Variants in ACIN1 observed in about 807,000 individuals in gnomAD.
ACIN1 encodes the protein apoptotic chromatin condensation inducer 1.
Under a neutral mutation model 146.6 loss-of-function variants are expected in ACIN1, and 16 were observed. The observed-to-expected ratio is 0.11, with a 90% CI of 0.07 to 0.17. The LOEUF (loss-of-function observed/expected upper bound fraction) is 0.17. ACIN1 is among the 10% of genes least tolerant of loss of function. The pLI, the probability that ACIN1 is intolerant of heterozygous loss-of-function variation, is 1.00. For missense variants in ACIN1, 1,357 were observed against 1,609.3 expected, an observed-to-expected ratio of 0.84 and a Z score of 2.68; for synonymous variants, 569 against 582.7, an observed-to-expected ratio of 0.98 and a Z score of 0.34.
At chr14:23,060,788 G>A (rs1566730091) in intron 18 of ACIN1, among the ~76,000 whole-genome samples, 1 of 152,204 alleles carries the variant, frequency 6.6e-6, no homozygotes, top group East Asian at 1.9e-4. Flanking sequence ...TGGCATTAGA[G>A]GCGTGAGCCA....
At chr14:23,094,912 G>A in intron 1 of ACIN1, 63 bp downstream of exon 1, 2 of 1,506,518 alleles carry the variant, frequency 1.3e-6, no homozygotes, top group Non-Finnish European at 1.8e-6. Context: ...CCTGCGCCGC[G>A]GCAGAGGCTC....
chr14:23,092,097 A>AT (rs78177271), intron 2 of ACIN1, among the ~76,000 whole-genome samples: 279 of 147,344 alleles, frequency 1.9e-3, no homozygotes, highest in Admixed American at 3.2e-3. Flanking sequence ...GCCTTTTCCT[A>AT]TTTTTTTTTT....
At chr14:23,069,652 G>GGGGGGGGGGGGGGGGGGGGGGGGC in intron 8 of ACIN1, 35 bp from the exon 9 acceptor site, 1 of 577,974 alleles carries the variant, frequency 1.7e-6, no homozygotes, top group East Asian at 4.3e-5. Context: ...GGGGGGGCGG[G>GGGGGGGGGGGGGGGGGGGGGGGGC]CAGAAAAGAA....
At chr14:23,062,842 C>A in intron 14 of ACIN1, 87 bp downstream of exon 14, 1 of 1,418,100 alleles carries the variant, frequency 7.1e-7, no homozygotes, top group Non-Finnish European at 9.6e-7. Flanking sequence ...TAGACCAGTT[C>A]AACTATGAGT....
chr14:23,074,951 T>C (rs75269035), intron 8 of ACIN1, among the ~76,000 whole-genome samples: 1,920 of 152,242 alleles, frequency 0.013, 39 homozygotes, highest in African/African-American at 0.044. Context: ...CTAGATACCC[T>C]CAGAAGCATA....
intron 6 of ACIN1, 65 bp downstream of exon 6, chr14:23,079,482 G>A: frequency 6.4e-7 from 1 of 1,571,584 alleles, no homozygotes; most frequent in Non-Finnish European, 8.7e-7. Flanking sequence ...GCTCTCCAGG[G>A]GCTGAAATGA....
chr14:23,071,361 A>AGGT, intron 8 of ACIN1: 1 of 1,531,590 alleles, frequency 6.5e-7, no homozygotes, highest in South Asian at 1.2e-5. Flanking sequence ...ATGGAAGGGG[A>AGGT]GGTGGTGGTG....
At chr14:23,071,536 G>C in intron 8 of ACIN1, 1 of 1,551,266 alleles carries the variant, frequency 6.4e-7, no homozygotes, top group Non-Finnish European at 8.7e-7. Flanking sequence ...CGATCAGCCG[G>C]AGACATGCAG....
At chr14:23,081,901 A>G in intron 4 of ACIN1, 65 bp from the exon 5 acceptor site, 1 of 1,360,526 alleles carries the variant, frequency 7.4e-7, no homozygotes. Context: ...CTTTTTAAAA[A>G]TCAGGCTTTC....
In ACIN1 at chr14:23,067,384, A is replaced by G. The variant is rs1468118159; in HGVS notation, c.2266-1376T>C. 2.0e-6 allele frequency: 2 copies of G among 985,622 alleles called. No individual in the cohort carries two copies. The highest frequency in any genetic ancestry group is 1.7e-5 in the African/African-American group (1 of 57,170). 61.1% of individuals were successfully genotyped at this position (985,622 alleles called of 1,614,324 possible). ...CTAGTCAACCGCCGGTCCAATCAGA[A>G]TGAGCCCTCCCTGCTAGGCGCTGTG... On this transcript the variant is annotated intron_variant, in intron 9 of 18. Transcript: ENST00000605057. The surrounding 1 kb of genome is among the most constrained non-coding windows in gnomAD (Gnocchi z 4.6).
Position 23,089,965 on chromosome 14 carries a change from G to C in ACIN1, c.436+17C>G, listed in dbSNP as rs755555003. ...GCAGGATTGACAAAACAGCGCAGTG[G>C]GGAGGGAGATACGTACTGGGCGAAT... On this transcript the variant is annotated intron_variant, in intron 4 of 18. Transcript: ENST00000605057. 1.3e-6 allele frequency: 2 copies of C among 1,591,802 alleles called. No homozygotes were observed. The highest frequency in any genetic ancestry group is 2.2e-5 in the South Asian group (2 of 88,920).
chr14:23,085,781 G>C (rs1204236763), intron 4 of ACIN1, among the ~76,000 whole-genome samples: 1 of 152,210 alleles, frequency 6.6e-6, no homozygotes, highest in Non-Finnish European at 1.5e-5. Flanking sequence ...GAATGTCTTA[G>C]GCCAGATGTT....
intron 8 of ACIN1, chr14:23,076,678 C>A (rs2047809863): frequency 6.6e-6 from 1 of 152,178 alleles, no homozygotes; most frequent in African/African-American, 2.4e-5. Context: ...GTTCCTCAGG[C>A]CCAATTAGTA....
Position 23,089,975 on chromosome 14 carries a change from T to TA in ACIN1, c.436+6dup. 1 of 1,605,600 alleles carries TA rather than the reference T, an allele frequency of 6.2e-7. No individual in the cohort carries two copies. The stretch of plus-strand genomic sequence containing the variant: ...CAAAACAGCGCAGTGGGGAGGGAGA[T>TA]ACGTACTGGGCGAATGTCTGCTGAG... On this transcript the variant is annotated splice_region_variant and intron_variant, in intron 4 of 18. Transcript: ENST00000605057.
intron 8 of ACIN1, among the ~76,000 whole-genome samples, chr14:23,075,944 A>G (rs2047790892): frequency 6.6e-6 from 1 of 152,086 alleles, no homozygotes; most frequent in South Asian, 2.1e-4. Flanking sequence ...CAGGTGATCC[A>G]CCTGCCTTGG....
At chr14:23,059,603 C>T (rs1343688411) in intron 18 of ACIN1, 129 bp from the exon 19 acceptor site, 5 of 684,794 alleles carry the variant, frequency 7.3e-6, no homozygotes, top group Admixed American at 2.3e-5. Context: ...GGGGGCTCAA[C>T]AACTGCATCC....
chr14:23,062,888 A>T, intron 14 of ACIN1, 41 bp downstream of exon 14: 1 of 1,569,474 alleles, frequency 6.4e-7, no homozygotes, highest in Non-Finnish European at 8.6e-7. Flanking sequence ...GCTCAAACTT[A>T]ACCACTAAGC....
intron 2 of ACIN1, 32 bp from the exon 3 acceptor site, chr14:23,090,665 G>C (rs370628190): frequency 1.1e-4 from 171 of 1,551,940 alleles, no homozygotes; most frequent in Non-Finnish European, 1.5e-4. Context: ...AGAGGGTCTA[G>C]GAAAACAAAC....
rs572155183 is a variant in ACIN1 at position 23,079,370 on chromosome 14, C to T, written c.1788+177G>A. ...CTCAAAATGAAAAAGAACCCCATTT[C>T]GGGAATCAGTTAATTGAAAATACGA... On this transcript the variant is annotated intron_variant, in intron 6 of 18. Coordinates refer to ENST00000605057, the MANE Select transcript of ACIN1 (RefSeq NM_001386863.1). 4.5e-4 allele frequency among the ~76,000 whole-genome samples: 68 copies of T among 152,198 alleles called. No individual in the cohort carries two copies. The South Asian group carries it at 0.014, about 30-fold the overall frequency.
Sources: gnomAD v4.1 joint callset for allele counts (sites outside exome capture counted in the v4.1 genomes callset) on GRCh38, gnomAD v4.1.1 for gene constraint, Gnocchi (gnomAD v3.1) non-coding constraint, MANE v1.5 for transcripts, NCBI Gene and HGNC (gene_info 2026-07-23, HGNC 2026-07-21) for gene names.